SATB2: variants seen among roughly 807,000 people sequenced by gnomAD.
SATB2 encodes DNA-binding protein SATB2.
In SATB2, 1 loss-of-function variant was observed where a neutral mutation model predicts 73.4. That is an observed-to-expected ratio of 0.01 (90% confidence interval 0.00 to 0.06). The LOEUF (loss-of-function observed/expected upper bound fraction) is 0.06, where lower values mean the gene tolerates loss of function less well. Among genes scored for constraint, SATB2 ranks in the 10% least tolerant of loss-of-function variants. SATB2 has a pLI of 1.00. For synonymous variants in SATB2, 397 were observed against 367.0 expected, an observed-to-expected ratio of 1.08 and a Z score of -0.93; for missense variants, 459 against 945.8, an observed-to-expected ratio of 0.49 and a Z score of 6.75.
At chr2:199,315,489 A>AGGGGCACACCACAGATGAAAAGAGT (rs1687706009) in intron 9 of SATB2, among the ~76,000 whole-genome samples, 1 of 152,046 alleles carries the variant, frequency 6.6e-6, no homozygotes, top group East Asian at 1.9e-4. Flanking sequence ...TAAGGAGGGG[A>AGGGGCACACCACAGATGAAAAGAGT]GGGGCACACC....
chr2:199,465,225 C>G (rs1373789150), upstream of SATB2: 1 of 152,154 alleles, frequency 6.6e-6, no homozygotes, highest in Non-Finnish European at 1.5e-5. Context: ...GTCTCGAGAG[C>G]AATCATCATT....
At chr2:199,327,751 T>C (rs1346823790) in intron 8 of SATB2, among the ~76,000 whole-genome samples, 1 of 152,102 alleles carries the variant, frequency 6.6e-6, no homozygotes, top group Non-Finnish European at 1.5e-5. Flanking sequence ...AGAGGAAGAA[T>C]GGAAGTCACC....
chr2:199,359,523 C>G (rs1689077673), intron 6 of SATB2, among the ~76,000 whole-genome samples: 2 of 151,976 alleles, frequency 1.3e-5, no homozygotes, highest in Admixed American at 1.3e-4. Context: ...ATTGACAGAT[C>G]AGGTAGCAAA....
In SATB2 at chr2:199,323,923, A is replaced by G. The variant is rs1687961348; in HGVS notation, c.1422T>C (p.Ile474=). The change falls in exon 9 of 11, where the codon ATT becomes ATC. Residue 474 remains isoleucine (I), a synonymous_variant. Transcript: ENST00000417098. The stretch of plus-strand genomic sequence containing the variant: ...TGTTGATGTTGGCGCCGTCCACCTT[A>G]ATAGGGAGGTCTGTTGTCGGTGTCG... ...KTSTPTTDLP[I]KVDGANINIT... 1 of 1,613,314 alleles carries G rather than the reference A, an allele frequency of 6.2e-7. No homozygotes were observed. The highest frequency in any genetic ancestry group is 1.3e-5 in the African/African-American group (1 of 74,852).
At chr2:199,404,540 C>T (rs777947827) in intron 3 of SATB2, among the ~76,000 whole-genome samples, 13 of 152,120 alleles carry the variant, frequency 8.5e-5, no homozygotes, top group Admixed American at 2.0e-4. Flanking sequence ...AGAGATTATT[C>T]ATTTACCATA....
chr2:199,328,939 A>G (rs1328657317), intron 7 of SATB2, 29 bp from the exon 8 acceptor site: 2 of 1,561,708 alleles, frequency 1.3e-6, no homozygotes, highest in Non-Finnish European at 8.8e-7. Flanking sequence ...AAAACAGACC[A>G]AGTCACATTT....
intron 8 of SATB2, among the ~76,000 whole-genome samples, chr2:199,328,346 G>T (rs1416474293): frequency 6.6e-6 from 1 of 152,090 alleles, no homozygotes; most frequent in Non-Finnish European, 1.5e-5. Context: ...TTCGAGAAGA[G>T]CCTGGCCAAC....
intron 9 of SATB2, among the ~76,000 whole-genome samples, chr2:199,321,544 G>GTATA (rs139076827): frequency 2.0e-5 from 3 of 150,412 alleles, no homozygotes; most frequent in African/African-American, 7.4e-5. Context: ...ACATATATGT[G>GTATA]TATATATATA....
chr2:199,365,304 A>T (rs1004114371), intron 6 of SATB2, among the ~76,000 whole-genome samples: 3 of 148,750 alleles, frequency 2.0e-5, no homozygotes, highest in Non-Finnish European at 4.5e-5. Flanking sequence ...ATCAGCAATT[A>T]AAAAAAAAAT....
At chr2:199,314,057 T>C (rs930361716) in intron 9 of SATB2, among the ~76,000 whole-genome samples, 9 of 152,176 alleles carry the variant, frequency 5.9e-5, no homozygotes, top group African/African-American at 2.2e-4. Flanking sequence ...TGTGGTCTCA[T>C]TTGTTTCTCA....
intron 10 of SATB2, among the ~76,000 whole-genome samples, chr2:199,307,490 A>G (rs1284513676): frequency 1.3e-5 from 2 of 152,236 alleles, no homozygotes; most frequent in East Asian, 1.9e-4. Context: ...AAGGGTGAGT[A>G]TGTGCTGTGT....
intron 10 of SATB2, among the ~76,000 whole-genome samples, chr2:199,307,677 G>GA (rs1215218241): frequency 6.6e-6 from 1 of 152,184 alleles, no homozygotes; most frequent in African/African-American, 2.4e-5. Flanking sequence ...CACTGGCAGA[G>GA]ATAATGATAT....
At chr2:199,433,282 T>C in intron 3 of SATB2, 56 bp downstream of exon 3, 2 of 1,538,060 alleles carry the variant, frequency 1.3e-6, no homozygotes, top group Non-Finnish European at 1.8e-6. Flanking sequence ...AAACATATTC[T>C]TCCTCAAATT....
At chr2:199,458,685 C>A (rs1293122768), upstream of SATB2, 1 of 442,812 alleles carries the variant, frequency 2.3e-6, no homozygotes. Context: ...GCGGCTGCCT[C>A]GGCTCCCAGC....
At chr2:199,337,546 C>A (rs1385426274) in intron 7 of SATB2, among the ~76,000 whole-genome samples, 4 of 152,090 alleles carry the variant, frequency 2.6e-5, no homozygotes. Flanking sequence ...GCTTTAGAAA[C>A]ATACAGATAG....
At position 199,272,109 on chromosome 2, in the gene SATB2, C is replaced by T; in HGVS notation, c.*102G>A. 8.2e-7 allele frequency: 1 copy of T among 1,215,030 alleles called. No homozygotes were observed. Among genetic ancestry groups the T allele is most frequent in the Middle Eastern group, 2.7e-4 (1 of 3,718 alleles). The allele number at this position is 1,215,030 out of a possible 1,614,324, so 75.3% of individuals were successfully genotyped here. ...AAAGACAAAAATAAAGCCAAAAAAA[C>T]CCAAAAACAAAAACAAAAAACAAAC... On this transcript the variant is annotated 3_prime_UTR_variant, in exon 11 of 11. Coordinates refer to ENST00000417098, the MANE Select transcript of SATB2 (RefSeq NM_001172509.2). This position sits in a 1 kb window ranked among gnomAD's most constrained non-coding sequence, Gnocchi z 6.7.
intron 2 of SATB2, among the ~76,000 whole-genome samples, chr2:199,448,417 AT>A (rs1171219281): frequency 6.6e-6 from 1 of 152,178 alleles, no homozygotes; most frequent in Admixed American, 6.5e-5. Context: ...TAAAAAAAAA[AT>A]CAATCACAAT....
At chr2:199,448,683 C>T (rs1692034914) in intron 2 of SATB2, among the ~76,000 whole-genome samples, 1 of 152,114 alleles carries the variant, frequency 6.6e-6, no homozygotes, top group South Asian at 2.1e-4. Context: ...AAAAGAAAGA[C>T]ACTGAGCTGC....
chr2:199,279,761 T>G (rs528425364), intron 10 of SATB2, among the ~76,000 whole-genome samples: 33 of 152,234 alleles, frequency 2.2e-4, no homozygotes, highest in Non-Finnish European at 4.1e-4. Context: ...TTTTGACTTG[T>G]TGTCCAATTT....
Sources: gnomAD v4.1 joint callset for allele counts (sites outside exome capture counted in the v4.1 genomes callset) on GRCh38, gnomAD v4.1.1 for gene constraint, Gnocchi (gnomAD v3.1) non-coding constraint, MANE v1.5 for transcripts, NCBI Gene and HGNC (gene_info 2026-07-23, HGNC 2026-07-21) for gene names.